The following FILIP1L variants were observed in gnomAD, a reference collection of about 807,000 sequenced individuals.
The protein encoded by FILIP1L is filamin A interacting protein 1 like, also known as filamin A-interacting protein 1-like.
Under a neutral mutation model 96.6 loss-of-function variants are expected in FILIP1L, and 55 were observed. The ratio of observed to expected loss-of-function variants is 0.57; its 90% confidence interval spans 0.46 to 0.71. The LOEUF (loss-of-function observed/expected upper bound fraction) is 0.71. Ranked by LOEUF, FILIP1L falls within the 30% of genes least tolerant of loss-of-function variation. FILIP1L has a pLI of 0.00. For missense variants in FILIP1L, 1,304 were observed against 1,321.2 expected (o/e 0.99, Z 0.20); for synonymous variants, 467 against 473.9 (o/e 0.99, Z 0.19).
At chr3:99,987,191 T>C (rs1445715900) in intron 1 of FILIP1L, among the ~76,000 whole-genome samples, 1 of 147,164 alleles carries the variant, frequency 6.8e-6, no homozygotes, top group Non-Finnish European at 1.5e-5. Flanking sequence ...GGCCATGCCA[T>C]GCACTCCAGC....
At chr3:100,101,226 A>G (rs2066299527) in intron 1 of FILIP1L, among the ~76,000 whole-genome samples, 1 of 152,158 alleles carries the variant, frequency 6.6e-6, no homozygotes, top group Admixed American at 6.5e-5. Flanking sequence ...GGCACAGGTA[A>G]TGTCCTACTT....
intron 1 of FILIP1L, among the ~76,000 whole-genome samples, chr3:99,945,503 G>T (rs1707982713): frequency 6.6e-6 from 1 of 152,144 alleles, no homozygotes; most frequent in Non-Finnish European, 1.5e-5. Flanking sequence ...GCTAGGAACT[G>T]TAAGTAAATA....
chr3:100,084,455 TAGAAAAACTCAA>T (rs1247394756), intron 1 of FILIP1L, among the ~76,000 whole-genome samples: 1 of 152,100 alleles, frequency 6.6e-6, no homozygotes, highest in Non-Finnish European at 1.5e-5. Flanking sequence ...TTCAGATATA[TAGAAAAACTCAA>T]AGAAAATGAA....
intron 4 of FILIP1L, among the ~76,000 whole-genome samples, chr3:99,852,599 C>A (rs946235245): frequency 2.0e-5 from 3 of 152,108 alleles, no homozygotes; most frequent in Non-Finnish European, 4.4e-5. Context: ...GCACGCACCA[C>A]CACGCCCAGC....
intron 4 of FILIP1L, among the ~76,000 whole-genome samples, chr3:99,923,475 G>T (rs1707187482): frequency 6.6e-6 from 1 of 152,164 alleles, no homozygotes. Flanking sequence ...AGCCAGGAGT[G>T]CTTCTCAGTA....
At chr3:99,987,042 A>C (rs1364844897) in intron 1 of FILIP1L, among the ~76,000 whole-genome samples, 2 of 151,774 alleles carry the variant, frequency 1.3e-5, no homozygotes, top group Non-Finnish European at 2.9e-5. Context: ...CAGCCTGGGC[A>C]ACATAGTGAC....
intron 4 of FILIP1L, among the ~76,000 whole-genome samples, chr3:99,892,609 C>T (rs976136865): frequency 6.6e-6 from 1 of 152,144 alleles, no homozygotes; most frequent in Admixed American, 6.5e-5. Flanking sequence ...TCAGTAGTTC[C>T]AGGCATCTCA....
chr3:99,913,839 A>G lies in FILIP1L; in HGVS notation c.605+10391T>C, dbSNP rs368694526. ...ACGTAGAAAACACATATTCAGTCTC[A>G]TGAATCTTGCTAATGCGTTTCTTCT... is the stretch of plus-strand genomic sequence containing the variant. On this transcript the variant is annotated intron_variant, in intron 4 of 5. Coordinates refer to ENST00000477258, the MANE Select transcript of FILIP1L (RefSeq NM_001387850.1). 1.8e-4 allele frequency among the ~76,000 whole-genome samples: 28 copies of G among 152,364 alleles called. 1 individual carries two copies. In the East Asian group the frequency reaches 2.1e-3, roughly 12 times the overall value.
At chr3:99,855,278 G>A (rs907815314) in intron 4 of FILIP1L, among the ~76,000 whole-genome samples, 6 of 152,234 alleles carry the variant, frequency 3.9e-5, no homozygotes, top group African/African-American at 1.2e-4. Flanking sequence ...GACTCAAAAT[G>A]CATACCATAG....
At chr3:99,845,281 G>GA (rs1440787024) in intron 5 of FILIP1L, among the ~76,000 whole-genome samples, 5 of 152,070 alleles carry the variant, frequency 3.3e-5, no homozygotes, top group African/African-American at 7.2e-5. Context: ...CTTTTAAATA[G>GA]AAAAAACATG....
At chr3:99,960,476 T>C (rs959338920) in intron 1 of FILIP1L, among the ~76,000 whole-genome samples, 2 of 152,196 alleles carry the variant, frequency 1.3e-5, no homozygotes, top group Non-Finnish European at 2.9e-5. Flanking sequence ...TTTTGAACAC[T>C]AGTAGAAGCA....
At chr3:100,073,712 A>G (rs1576022137) in intron 1 of FILIP1L, among the ~76,000 whole-genome samples, 2 of 152,202 alleles carry the variant, frequency 1.3e-5, no homozygotes, top group East Asian at 1.9e-4. Flanking sequence ...TTCTAACATG[A>G]CAGCCGGTGT....
intron 1 of FILIP1L, among the ~76,000 whole-genome samples, chr3:99,949,991 A>G (rs1708128101): frequency 6.6e-6 from 1 of 152,140 alleles, no homozygotes; most frequent in South Asian, 2.1e-4. Context: ...CTTTACTTTC[A>G]TAATCAAAGG....
intron 1 of FILIP1L, among the ~76,000 whole-genome samples, chr3:100,088,813 A>G (rs753415586): frequency 3.3e-5 from 5 of 152,146 alleles, no homozygotes; most frequent in Non-Finnish European, 5.9e-5. Flanking sequence ...TTAATTCACT[A>G]CAATATGAAA....
chr3:99,885,734 CCTT>C (rs1475125248), intron 4 of FILIP1L, among the ~76,000 whole-genome samples: 2 of 152,070 alleles, frequency 1.3e-5, no homozygotes, highest in African/African-American at 4.8e-5. Flanking sequence ...TATCTTTCTC[CCTT>C]CTTCTTCCCT....
At position 99,978,065 on chromosome 3, in the gene FILIP1L, C is replaced by T. The variant is rs766892938; in HGVS notation, c.-10-47035G>A. Among the ~76,000 whole-genome samples, 41 of 152,110 alleles carry T rather than the reference C, an allele frequency of 2.7e-4. 1 individual carries two copies. Among genetic ancestry groups the T allele is most frequent in the Middle Eastern group, 6.8e-3 (2 of 294 alleles). ...TTCTTTACATAAAACAAGCAATGAA[C>T]GTTTCAAAAGAAAACATTTTTAAAG... On this transcript the variant is annotated intron_variant, in intron 1 of 5. Transcript: ENST00000477258.
At chr3:99,927,935 T>G (rs1400739023) in intron 3 of FILIP1L, among the ~76,000 whole-genome samples, 1 of 152,304 alleles carries the variant, frequency 6.6e-6, no homozygotes, top group African/African-American at 2.4e-5. Context: ...GAGAGCTGTT[T>G]GTTCTTCTAA....
At position 99,849,338 on chromosome 3, in the gene FILIP1L, T is replaced by G; in HGVS notation, c.2338A>C (p.Ser780Arg). Residue 780 changes from serine to arginine, a missense_variant, in exon 5 of 6, where the codon AGC becomes CGC. Physicochemically the swap from Ser to Arg is moderately radical, Grantham distance 110. Coordinates refer to ENST00000477258, the MANE Select transcript of FILIP1L (RefSeq NM_001387850.1). ...ELERYRHFSK[S>R]LRPSLNGRRI... ...CTTCCATTGAGACTAGGCCTGAGGC[T>G]CTTACTGAAATGCCGGTACCTCTCT... 6.2e-7 allele frequency: 1 copy of G among 1,614,120 alleles called. No homozygotes were observed. Among genetic ancestry groups the G allele is most frequent in the East Asian group, 2.2e-5 (1 of 44,890 alleles).
chr3:100,095,758 A>G (rs777890502), intron 1 of FILIP1L, among the ~76,000 whole-genome samples: 2 of 152,228 alleles, frequency 1.3e-5, no homozygotes, highest in Non-Finnish European at 2.9e-5. Flanking sequence ...AACCAAAGCA[A>G]AAATGGACAA....
Sources: gnomAD v4.1 joint callset for allele counts (sites outside exome capture counted in the v4.1 genomes callset) on GRCh38, gnomAD v4.1.1 for gene constraint, MANE v1.5 for transcripts, NCBI Gene and HGNC (gene_info 2026-07-23, HGNC 2026-07-21) for gene names.